Variants in ITPR2 observed in about 807,000 individuals in gnomAD.
ITPR2 encodes inositol 1,4,5-trisphosphate-gated calcium channel ITPR2.
In ITPR2, 207 loss-of-function variants were observed where a neutral mutation model predicts 317.1. That is an observed-to-expected ratio of 0.65 (90% CI 0.58 to 0.73). The LOEUF is 0.73. Among genes scored for constraint, ITPR2 ranks in the 30% least tolerant of loss-of-function variants. The pLI, the probability that ITPR2 is intolerant of heterozygous loss-of-function variation, is 0.00. For missense variants in ITPR2, 2,613 were observed against 3,284.0 expected, an observed-to-expected ratio of 0.80 and a Z score of 4.99; for synonymous variants, 1,156 against 1,149.1, an observed-to-expected ratio of 1.01 and a Z score of -0.12.
intron 45 of ITPR2, among the ~76,000 whole-genome samples, chr12:26,449,655 T>C (rs898979575): frequency 2.6e-5 from 4 of 152,004 alleles, no homozygotes; most frequent in African/African-American, 4.8e-5. Context: ...AAAGAATGGA[T>C]GAAATGTCCA....
intron 8 of ITPR2, among the ~76,000 whole-genome samples, chr12:26,714,242 A>G (rs1158527051): frequency 6.6e-6 from 1 of 152,088 alleles, no homozygotes; most frequent in African/African-American, 2.4e-5. Context: ...TACTTTGATT[A>G]TGGTTATCTC....
chr12:26,481,065 G>A (rs1942534552), intron 43 of ITPR2, 66 bp downstream of exon 43: 4 of 852,684 alleles, frequency 4.7e-6, no homozygotes, highest in East Asian at 2.5e-5. Context: ...CTTTTGACAA[G>A]AGCTGCTTGA....
At chr12:26,441,716 C>G (rs1013703849) in intron 46 of ITPR2, among the ~76,000 whole-genome samples, 2 of 152,094 alleles carry the variant, frequency 1.3e-5, no homozygotes, top group African/African-American at 4.8e-5. Context: ...TTCAATCTAT[C>G]CAATAATGAA....
intron 55 of ITPR2, among the ~76,000 whole-genome samples, chr12:26,357,202 CAT>C (rs902716241): frequency 2.6e-5 from 4 of 151,844 alleles, no homozygotes; most frequent in African/African-American, 4.8e-5. Context: ...ACCAAGCACA[CAT>C]GATTGCAGGG....
At chr12:26,365,226 T>A (rs1469062755) in intron 55 of ITPR2, among the ~76,000 whole-genome samples, 1 of 152,112 alleles carries the variant, frequency 6.6e-6, no homozygotes, top group Non-Finnish European at 1.5e-5. Flanking sequence ...AAATGAACGG[T>A]GTCACTACAA....
intron 2 of ITPR2, among the ~76,000 whole-genome samples, chr12:26,734,627 T>TAAAAAAA (rs57269056): frequency 7.2e-6 from 1 of 139,790 alleles, no homozygotes. Context: ...TGTCCTAAAT[T>TAAAAAAA]AAAAAAAAAA....
chr12:26,541,728 A>G (rs1944268232), intron 37 of ITPR2, among the ~76,000 whole-genome samples: 1 of 152,228 alleles, frequency 6.6e-6, no homozygotes, highest in African/African-American at 2.4e-5. Flanking sequence ...GGACTGACAC[A>G]TGCATATTTG....
At chr12:26,467,504 C>T (rs1591809200) in intron 45 of ITPR2, among the ~76,000 whole-genome samples, 2 of 152,138 alleles carry the variant, frequency 1.3e-5, no homozygotes, top group Non-Finnish European at 2.9e-5. Context: ...AAAAACTAAT[C>T]ATAAAAGCCT....
intron 29 of ITPR2, 147 bp from the exon 30 acceptor site, chr12:26,599,492 G>A (rs185292332): frequency 6.9e-5 from 48 of 694,454 alleles, no homozygotes; most frequent in East Asian, 2.7e-4. Context: ...CAAAAAATGC[G>A]ATGAGATCAT....
intron 9 of ITPR2, among the ~76,000 whole-genome samples, chr12:26,699,691 G>T (rs1188694906): frequency 1.3e-5 from 2 of 151,968 alleles, no homozygotes; most frequent in African/African-American, 2.4e-5. Flanking sequence ...AGGACAAAAA[G>T]CCACCCAAAT....
chr12:26,399,297 G>A lies in ITPR2; in HGVS notation c.7531-256C>T, dbSNP rs542091058. 7.2e-5 allele frequency among the ~76,000 whole-genome samples: 11 copies of A among 152,296 alleles called. No homozygotes were observed. In the East Asian group the frequency reaches 1.7e-3, roughly 24 times the overall value. On this transcript the variant is annotated intron_variant, in intron 53 of 56. Coordinates refer to ENST00000381340, the MANE Select transcript of ITPR2 (RefSeq NM_002223.4). ...GGTGGGACTTCACTTTCTTTAGAAAGGACTTTATTATGCCATTCTGCTAAA... is the reference window on the plus strand; with the variant it reads ...GGTGGGACTTCACTTTCTTTAGAAAAGACTTTATTATGCCATTCTGCTAAA...
At chr12:26,685,216 GC>G (rs1212139966) in intron 11 of ITPR2, among the ~76,000 whole-genome samples, 1 of 152,150 alleles carries the variant, frequency 6.6e-6, no homozygotes, top group Non-Finnish European at 1.5e-5. Context: ...AATAATATGG[GC>G]AAGACTCCTC....
intron 52 of ITPR2, among the ~76,000 whole-genome samples, chr12:26,406,908 T>G (rs567240322): frequency 3.7e-4 from 56 of 152,332 alleles, no homozygotes; most frequent in Admixed American, 1.3e-3. Flanking sequence ...AACAGTAGAT[T>G]AATACAGGCA....
At chr12:26,623,772 G>A (rs994720417) in intron 24 of ITPR2, among the ~76,000 whole-genome samples, 1 of 152,070 alleles carries the variant, frequency 6.6e-6, no homozygotes, top group Non-Finnish European at 1.5e-5. Flanking sequence ...CATTTCTGAA[G>A]AACAAACAAT....
chr12:26,599,401 C>A, intron 29 of ITPR2, 56 bp from the exon 30 acceptor site: 1 of 1,482,770 alleles, frequency 6.7e-7, no homozygotes, highest in Non-Finnish European at 9.4e-7. Context: ...TTCTATTCTA[C>A]AGTACTTAGA....
chr12:26,770,456 T>C (rs1461695964), intron 2 of ITPR2, among the ~76,000 whole-genome samples: 1 of 152,206 alleles, frequency 6.6e-6, no homozygotes, highest in Non-Finnish European at 1.5e-5. Flanking sequence ...TTCCTCTGCA[T>C]TCCAAAGCCA....
chr12:26,411,391 A>T lies in ITPR2; in HGVS notation c.7328T>A (p.Met2443Lys), dbSNP rs369918783. ...TGCTTCCATCATGGTAGTTAAAGTC[A>T]TAGTAGGCACTTGATGACTGCCTAA... ...PVTGSHQVPT[M>K]TLTTMMEACA... Residue 2443 changes from methionine to lysine, a missense_variant, in exon 52 of 57, where the codon ATG (methionine) becomes AAG (lysine). Transcript: ENST00000381340. 1.6e-5 allele frequency: 26 copies of T among 1,612,968 alleles called. No homozygotes were observed. Among genetic ancestry groups the T allele is most frequent in the Non-Finnish European group, 2.0e-5 (23 of 1,179,250 alleles).
intron 11 of ITPR2, among the ~76,000 whole-genome samples, chr12:26,686,239 T>C (rs1233461155): frequency 6.6e-6 from 1 of 152,038 alleles, no homozygotes; most frequent in East Asian, 1.9e-4. Context: ...ATACAAGTAA[T>C]AAGAATAAAT....
chr12:26,561,940 C>A lies in ITPR2; in HGVS notation c.4643G>T (p.Gly1548Val). The A allele has an allele frequency of 1.3e-6, 2 of 1,512,398 alleles. No individual in the cohort carries two copies. The highest frequency in any genetic ancestry group is 1.4e-5 in the South Asian group (1 of 73,672). 93.7% of individuals were successfully genotyped at this position (1,512,398 alleles called of 1,614,324 possible). The stretch of plus-strand genomic sequence containing the variant: ...GTCCAAATCCACTGGAATGGCAATT[C>A]CACGATTTTTTGCTGAAAAAGAAAG... ...RTLAEVAKNRGIAIPVDLDSQ... is the reference protein window; with the variant it reads ...RTLAEVAKNRVIAIPVDLDSQ... The change falls in exon 35 of 57, where the codon GGA becomes GTA. Residue 1548 changes from glycine (G) to valine (V), a missense_variant. Physicochemically the swap from Gly to Val is moderately radical, Grantham distance 109. Around this residue, in one of 9 missense-constraint regions of ITPR2, gnomAD observed 926 missense variants for 1,072.8 expected, o/e 0.86. Coordinates refer to ENST00000381340, the MANE Select transcript of ITPR2 (RefSeq NM_002223.4).
Sources: gnomAD v4.1 joint callset for allele counts (sites outside exome capture counted in the v4.1 genomes callset) on GRCh38, gnomAD v4.1.1 for gene constraint, gnomAD v4.1.1 regional missense constraint, MANE v1.5 for transcripts, NCBI Gene and HGNC (gene_info 2026-07-23, HGNC 2026-07-21) for gene names.